HMCN1: variants seen among roughly 807,000 people sequenced by gnomAD.
The protein encoded by HMCN1 is hemicentin 1.
A neutral mutation model predicts 625.9 loss-of-function variants in HMCN1; 321 were observed. The observed-to-expected ratio is 0.51, with a 90% CI of 0.47 to 0.56. The LOEUF (loss-of-function observed/expected upper bound fraction) is 0.56, where lower values mean the gene tolerates loss of function less well. HMCN1 is among the 20% of genes least tolerant of loss of function. The pLI is 0.00. For missense variants in HMCN1, 6,588 were observed against 6,887.3 expected (o/e 0.96, Z 1.54); for synonymous variants, 2,425 against 2,417.6 (o/e 1.00, Z -0.09).
chr1:185,771,943 A>G (rs2102148483), intron 1 of HMCN1, among the ~76,000 whole-genome samples: 1 of 152,320 alleles, frequency 6.6e-6, no homozygotes, highest in Non-Finnish European at 1.5e-5. Flanking sequence ...TAATTTTCTC[A>G]TGGGGAGAAT....
chr1:185,735,364 G>T (rs1270094330), intron 1 of HMCN1, among the ~76,000 whole-genome samples: 1 of 152,160 alleles, frequency 6.6e-6, no homozygotes, highest in East Asian at 1.9e-4. Context: ...TTAGATTTTA[G>T]AACTAAAGCA....
intron 4 of HMCN1, among the ~76,000 whole-genome samples, chr1:185,871,056 C>A (rs1663582425): frequency 6.6e-6 from 1 of 151,956 alleles, no homozygotes; most frequent in Admixed American, 6.6e-5. Flanking sequence ...ATGGTAAAAT[C>A]CTGTCTCTAC....
intron 77 of HMCN1, among the ~76,000 whole-genome samples, 172 bp from the exon 78 acceptor site, chr1:186,119,019 A>G (rs572150725): frequency 6.6e-6 from 1 of 152,322 alleles, no homozygotes; most frequent in South Asian, 2.1e-4. Context: ...GCCTCAATAA[A>G]GCTGTTAGTA....
At chr1:185,825,004 T>C (rs1360859584) in intron 1 of HMCN1, among the ~76,000 whole-genome samples, 2 of 152,138 alleles carry the variant, frequency 1.3e-5, no homozygotes, top group Admixed American at 6.5e-5. Flanking sequence ...GCTGATGTAC[T>C]CCTTAAGGAA....
Position 186,069,361 on chromosome 1 carries a change from A to G in HMCN1, c.7880-302A>G, listed in dbSNP as rs374594990. ...GAAAAGATGATTAAGGCAGAAACCT[A>G]TTTATGAAGAGGATGAAAGACCTTA... On this transcript the variant is annotated intron_variant, in intron 50 of 106. Coordinates refer to ENST00000271588, the MANE Select transcript of HMCN1 (RefSeq NM_031935.3). Among the ~76,000 whole-genome samples the G allele has an allele frequency of 2.6e-5, 4 of 152,306 alleles. No homozygotes were observed. The East Asian group carries it at 7.7e-4, about 29-fold the overall frequency.
chr1:185,958,445 C>T (rs76716057), intron 11 of HMCN1, among the ~76,000 whole-genome samples: 3,918 of 152,112 alleles, frequency 0.026, 163 homozygotes, highest in African/African-American at 0.084. Flanking sequence ...ATCTAAATGA[C>T]GTATGTAAGT....
At position 185,809,375 on chromosome 1, in the gene HMCN1, TACAC is replaced by T. The variant is rs934930737; in HGVS notation, c.269-36641_269-36638del. On this transcript the variant is annotated intron_variant, in intron 1 of 106. Coordinates refer to ENST00000271588, the MANE Select transcript of HMCN1 (RefSeq NM_031935.3). ...CCATTCCATTAACAATGAATTTGAA[TACAC>T]ACACACACAACATACATGTGATTAT... 4.0e-5 allele frequency among the ~76,000 whole-genome samples: 6 copies of T among 151,800 alleles called. No individual in the cohort carries two copies. The East Asian group carries it at 1.2e-3, about 29-fold the overall frequency.
intron 58 of HMCN1, among the ~76,000 whole-genome samples, chr1:186,086,931 G>A (rs1296748576): frequency 1.3e-5 from 2 of 151,980 alleles, no homozygotes; most frequent in East Asian, 3.9e-4. Context: ...TTTGACCATA[G>A]TACAATTACT....
Position 186,189,953 on chromosome 1 carries a change from T to A in HMCN1, c.*75T>A. 6.5e-7 allele frequency: 1 copy of A among 1,541,086 alleles called. No homozygotes were observed. The highest frequency in any genetic ancestry group is 8.9e-7 in the Non-Finnish European group (1 of 1,122,746). On this transcript the variant is annotated 3_prime_UTR_variant, in exon 107 of 107. Coordinates refer to ENST00000271588, the MANE Select transcript of HMCN1 (RefSeq NM_031935.3). ...AATCAAGCCCCCTTCCAGATTACTG[T>A]CTCTTGAACAGTTGCAATCTTGGCA...
intron 77 of HMCN1, 29 bp downstream of exon 77, chr1:186,117,652 T>A: frequency 6.3e-7 from 1 of 1,593,558 alleles, no homozygotes; most frequent in Non-Finnish European, 8.6e-7. Flanking sequence ...ATTTCACATC[T>A]ATTGATTGTA....
At chr1:186,160,036 G>T (rs1234488021) in intron 97 of HMCN1, among the ~76,000 whole-genome samples, 2 of 151,354 alleles carry the variant, frequency 1.3e-5, no homozygotes, top group East Asian at 3.9e-4. Context: ...ATTCGGCTGT[G>T]AATCCATCTG....
At chr1:185,930,907 T>C (rs994190911) in intron 10 of HMCN1, among the ~76,000 whole-genome samples, 2 of 138,954 alleles carry the variant, frequency 1.4e-5, no homozygotes, top group African/African-American at 2.6e-5. Context: ...TTTCACCCAA[T>C]ACACACACAC....
chr1:185,993,041 G>T (rs1043835681), intron 22 of HMCN1, 141 bp from the exon 23 acceptor site: 5 of 729,664 alleles, frequency 6.9e-6, no homozygotes, highest in Non-Finnish European at 1.2e-5. Flanking sequence ...TGGCTTTTAA[G>T]ATGTATAGAT....
At chr1:185,829,574 C>A (rs189879043) in intron 1 of HMCN1, among the ~76,000 whole-genome samples, 79 of 152,200 alleles carry the variant, frequency 5.2e-4, no homozygotes, top group African/African-American at 1.8e-3. Context: ...CATGTCCCTG[C>A]AAAGGACATG....
intron 100 of HMCN1, among the ~76,000 whole-genome samples, chr1:186,168,312 G>A (rs2102627035): frequency 6.6e-6 from 1 of 151,944 alleles, no homozygotes; most frequent in African/African-American, 2.4e-5. Flanking sequence ...TCACAGCCAG[G>A]TGCAGTGGCT....
chr1:186,095,202 C>G, intron 67 of HMCN1, 41 bp from the exon 68 acceptor site: 1 of 1,592,854 alleles, frequency 6.3e-7, no homozygotes, highest in Non-Finnish European at 8.6e-7. Flanking sequence ...TCTCAAATTA[C>G]AATAGACATC....
intron 19 of HMCN1, among the ~76,000 whole-genome samples, chr1:185,987,078 GAGA>G (rs1652047640): frequency 6.6e-6 from 1 of 151,378 alleles, no homozygotes; most frequent in African/African-American, 2.4e-5. Context: ...ACAGTGATTG[GAGA>G]CATGCATTAA....
At chr1:185,892,057 C>A (rs1009760151) in intron 4 of HMCN1, among the ~76,000 whole-genome samples, 5 of 151,282 alleles carry the variant, frequency 3.3e-5, no homozygotes, top group African/African-American at 1.2e-4. Context: ...TCATTTCATT[C>A]ATTTCATCTT....
chr1:185,803,012 G>T lies in HMCN1; in HGVS notation c.269-43014G>T, dbSNP rs558591755. ...AGATAGAACTTTCCAGAAAAATAAA[G>T]CTCCTACTGCATATTTTTTCTCTTT... On this transcript the variant is annotated intron_variant, in intron 1 of 106. Transcript: ENST00000271588. Among the ~76,000 whole-genome samples, 18 of 152,002 alleles carry T rather than the reference G, an allele frequency of 1.2e-4. No homozygotes were observed. The East Asian group carries it at 3.5e-3, about 29-fold the overall frequency.
Sources: allele counts gnomAD v4.1 joint callset (sites outside exome capture counted in the v4.1 genomes callset), GRCh38; gene constraint gnomAD v4.1.1; transcripts MANE v1.5; gene names NCBI Gene and HGNC (gene_info 2026-07-23, HGNC 2026-07-21).